SCMH1: variants seen among roughly 807,000 people sequenced by gnomAD.
SCMH1 encodes polycomb protein SCMH1.
Under a neutral mutation model 70.8 loss-of-function variants are expected in SCMH1, and 37 were observed. The ratio of observed to expected loss-of-function variants is 0.52; its 90% CI spans 0.40 to 0.69. The LOEUF (loss-of-function observed/expected upper bound fraction) is 0.69, where lower values mean the gene tolerates loss of function less well. SCMH1 is among the 30% of genes least tolerant of loss of function. SCMH1 has a pLI of 0.00. For synonymous variants in SCMH1, 292 were observed against 307.4 expected, an observed-to-expected ratio of 0.95 and a Z score of 0.52; for missense variants, 607 against 827.3, an observed-to-expected ratio of 0.73 and a Z score of 3.27.
chr1:41,110,282 C>A (rs1557483062), intron 8 of SCMH1, among the ~76,000 whole-genome samples: 1 of 152,188 alleles, frequency 6.6e-6, no homozygotes, highest in Non-Finnish European at 1.5e-5. Flanking sequence ...CTCCACAGAC[C>A]AGCTCAAGTA....
intron 6 of SCMH1, among the ~76,000 whole-genome samples, chr1:41,121,128 G>A (rs1261346437): frequency 6.6e-6 from 1 of 152,170 alleles, no homozygotes; most frequent in African/African-American, 2.4e-5. Context: ...AACAGCATGG[G>A]ATAAGAATCA....
intron 10 of SCMH1, among the ~76,000 whole-genome samples, chr1:41,063,308 C>T (rs962548628): frequency 1.3e-5 from 2 of 151,778 alleles, no homozygotes; most frequent in Admixed American, 6.6e-5. Flanking sequence ...CGCATCTCAA[C>T]TAAAAATATA....
chr1:41,160,823 C>A, intron 4 of SCMH1, 52 bp downstream of exon 4: 1 of 1,502,452 alleles, frequency 6.7e-7, no homozygotes. Context: ...TAATCTAATC[C>A]CTGGTTTACC....
intron 6 of SCMH1, among the ~76,000 whole-genome samples, chr1:41,119,831 G>A (rs74069018): frequency 0.013 from 2,027 of 152,226 alleles, 47 homozygotes; most frequent in African/African-American, 0.046. Flanking sequence ...GGTTATATGA[G>A]TTAATAATTC....
intron 8 of SCMH1, among the ~76,000 whole-genome samples, chr1:41,112,029 CA>C (rs1308198422): frequency 6.6e-6 from 1 of 151,582 alleles, no homozygotes. Flanking sequence ...GGCTATTAAA[CA>C]AAAAAAACCC....
intron 8 of SCMH1, among the ~76,000 whole-genome samples, chr1:41,106,594 A>G (rs746086456): frequency 1.3e-5 from 2 of 151,970 alleles, no homozygotes; most frequent in Non-Finnish European, 2.9e-5. Flanking sequence ...CAGATCCTTA[A>G]GATGGTCTAT....
intron 1 of SCMH1, among the ~76,000 whole-genome samples, chr1:41,194,723 C>T (rs1364589161): frequency 6.6e-6 from 1 of 151,720 alleles, no homozygotes; most frequent in Non-Finnish European, 1.5e-5. Context: ...GGTACATGAC[C>T]AGGGCCATTT....
intron 2 of SCMH1, among the ~76,000 whole-genome samples, chr1:41,171,234 C>T (rs537101353): frequency 6.6e-6 from 1 of 152,294 alleles, no homozygotes; most frequent in African/African-American, 2.4e-5. Context: ...CAATGGACTG[C>T]TTCCTTCATG....
chr1:41,151,565 A>T (rs749455666), intron 5 of SCMH1, 49 bp downstream of exon 5: 29 of 1,461,506 alleles, frequency 2.0e-5, no homozygotes, highest in African/African-American at 4.2e-5. Flanking sequence ...TAAAAACCAT[A>T]AAAAAATGAC....
intron 1 of SCMH1, among the ~76,000 whole-genome samples, chr1:41,198,507 T>C (rs909181279): frequency 6.6e-6 from 1 of 152,200 alleles, no homozygotes; most frequent in Non-Finnish European, 1.5e-5. Flanking sequence ...TTTTTAAAAT[T>C]TGAATTTTCA....
chr1:41,189,055 TGGAAGGACAAGCTACAGGGA>T lies in SCMH1; in HGVS notation c.-117-2825_-117-2806del, dbSNP rs1030688134. On this transcript the variant is annotated intron_variant, in intron 1 of 14. Transcript: ENST00000337495. ...GCAGAACATCTACTCACTGTGGTGA[TGGAAGGACAAGCTACAGGGA>T]GGCAGGAGACAGAGGATTCATCTGT... Among the ~76,000 whole-genome samples, 141 of 152,292 alleles carry T rather than the reference TGGAAGGACAAGCTACAGGGA, an allele frequency of 9.3e-4. 1 individual carries two copies. Among genetic ancestry groups the T allele is most frequent in the Non-Finnish European group, 5.6e-4 (38 of 68,018 alleles).
chr1:41,139,644 T>C (rs1161221512), intron 6 of SCMH1, among the ~76,000 whole-genome samples: 1 of 152,150 alleles, frequency 6.6e-6, no homozygotes, highest in Admixed American at 6.6e-5. Flanking sequence ...GTTACTGCAA[T>C]GTCATATTTA....
chr1:41,234,282 CT>C (rs1299540499), intron 1 of SCMH1, among the ~76,000 whole-genome samples: 2 of 151,868 alleles, frequency 1.3e-5, no homozygotes, highest in East Asian at 3.9e-4. Flanking sequence ...TCTTTCTGCT[CT>C]TTAAAATAAT....
rs1646924744 is a variant in SCMH1, at chr1:41,046,654, T to C, written c.1307-56A>G. On this transcript the variant is annotated intron_variant, in intron 11 of 14. Coordinates refer to ENST00000337495, the Ensembl canonical transcript of SCMH1. ...TCAGCCTGGCAGTGGAGTACAGCGC[T>C]AGGCAGGACGAGTCCAGCCCACTGC... The C allele has an allele frequency of 1.9e-5, 26 of 1,390,006 alleles. 1 individual carries two copies. In the South Asian group the frequency reaches 3.0e-4, roughly 16 times the overall value. The allele number at this position is 1,390,006 out of a possible 1,614,324, so 86.1% of individuals were successfully genotyped here. A position where few individuals can be genotyped will look rare whatever the true frequency, so the allele number is the denominator to read the frequency against.
At chr1:41,172,832 T>C (rs991848221) in intron 2 of SCMH1, among the ~76,000 whole-genome samples, 1 of 152,182 alleles carries the variant, frequency 6.6e-6, no homozygotes, top group Non-Finnish European at 1.5e-5. Context: ...GAGCATTCAC[T>C]GGGGAAGGGA....
intron 2 of SCMH1, among the ~76,000 whole-genome samples, chr1:41,174,315 G>A (rs74226317): frequency 1.4e-5 from 2 of 147,256 alleles, no homozygotes; most frequent in South Asian, 2.1e-4. Flanking sequence ...GGCTCCTTGT[G>A]CCTCTGAGTC....
intron 1 of SCMH1, among the ~76,000 whole-genome samples, chr1:41,191,206 T>A (rs188670156): frequency 1.3e-5 from 2 of 152,368 alleles, no homozygotes; most frequent in Admixed American, 6.5e-5. Flanking sequence ...TGCAGGTTTA[T>A]GGGCAAGGCC....
At chr1:41,040,219 C>T (rs999339760) in intron 12 of SCMH1, among the ~76,000 whole-genome samples, 2 of 152,176 alleles carry the variant, frequency 1.3e-5, no homozygotes, top group Admixed American at 6.5e-5. Flanking sequence ...GTGTGTGTGA[C>T]AGCCACTATA....
chr1:41,080,947 T>C (rs1364278239), intron 8 of SCMH1, among the ~76,000 whole-genome samples: 1 of 152,102 alleles, frequency 6.6e-6, no homozygotes, highest in Non-Finnish European at 1.5e-5. Flanking sequence ...AATCTATAAA[T>C]ACAGACTGTA....
Sources: gnomAD v4.1 joint callset for allele counts (sites outside exome capture counted in the v4.1 genomes callset) on GRCh38, gnomAD v4.1.1 for gene constraint, MANE v1.5 for transcripts, NCBI Gene and HGNC (gene_info 2026-07-23, HGNC 2026-07-21) for gene names.